The following TNKS variants were observed in gnomAD, a reference collection of about 807,000 sequenced individuals.
TNKS encodes the protein poly [ADP-ribose] polymerase tankyrase-1.
Under a neutral mutation model 135.8 loss-of-function variants are expected in TNKS, and 72 were observed. The ratio of observed to expected loss-of-function variants is 0.53; its 90% CI spans 0.44 to 0.64. TNKS has a LOEUF of 0.64. Ranked by LOEUF, TNKS falls within the 30% of genes least tolerant of loss-of-function variation. The pLI is 0.00. For missense variants in TNKS, 1,769 were observed against 1,674.0 expected (o/e 1.06, Z -0.99); for synonymous variants, 849 against 649.3 (o/e 1.31, Z -4.68).
chr8:9,568,439 T>C (rs916172072), intron 1 of TNKS, among the ~76,000 whole-genome samples: 1 of 152,226 alleles, frequency 6.6e-6, no homozygotes, highest in Non-Finnish European at 1.5e-5. Context: ...GAAATAATTT[T>C]TGTTTATGTG....
chr8:9,711,443 C>A (rs1443655028), intron 11 of TNKS, among the ~76,000 whole-genome samples: 3 of 152,084 alleles, frequency 2.0e-5, no homozygotes, highest in Admixed American at 6.6e-5. Flanking sequence ...GGATATTATC[C>A]TAAATGGTAG....
chr8:9,565,559 G>C (rs997359349), intron 1 of TNKS, among the ~76,000 whole-genome samples: 2 of 152,084 alleles, frequency 1.3e-5, no homozygotes, highest in African/African-American at 2.4e-5. Context: ...TGTGTCATTA[G>C]TTCAAAAATA....
chr8:9,770,224 C>T lies in TNKS; in HGVS notation c.3859C>T (p.Leu1287=). ...CATTGGTAGACCGAGCGTCAATGGGCTGGCATATGCTGAATATGTCATCTA... is the reference window on the plus strand; with the variant it reads ...CATTGGTAGACCGAGCGTCAATGGGTTGGCATATGCTGAATATGTCATCTA... ...SVIGRPSVNG[L]AYAEYVIYRG... Residue 1287 remains leucine, a synonymous_variant, in exon 26 of 27, where the codon CTG becomes TTG. Transcript: ENST00000310430. 6.2e-7 allele frequency: 1 copy of T among 1,613,408 alleles called. No individual in the cohort carries two copies. The highest frequency in any genetic ancestry group is 8.5e-7 in the Non-Finnish European group (1 of 1,179,932).
chr8:9,725,116 G>C (rs565865512), intron 12 of TNKS, among the ~76,000 whole-genome samples: 60 of 152,058 alleles, frequency 3.9e-4, no homozygotes, highest in Non-Finnish European at 7.9e-4. Context: ...CTATAAATGC[G>C]GTAGTGTATG....
chr8:9,570,137 C>T (rs78904285), intron 1 of TNKS, among the ~76,000 whole-genome samples: 1,840 of 151,268 alleles, frequency 0.012, 36 homozygotes, highest in African/African-American at 0.041. Flanking sequence ...GTTTTTTGAA[C>T]CATTTATTGA....
rs1475000323 is a variant in TNKS, at chr8:9,657,293, G to C, written c.995-22658G>C. 9.7e-4 allele frequency among the ~76,000 whole-genome samples: 58 copies of C among 60,058 alleles called. 1 individual carries two copies. The highest frequency in any genetic ancestry group is 3.2e-3 in the African/African-American group (53 of 16,684). 39.4% of individuals were successfully genotyped at this position (60,058 alleles called of 152,430 possible). A position where few individuals can be genotyped will look rare whatever the true frequency, so the allele number is the denominator to read the frequency against. ...TCCCGGACGGGGCGGCTGGCCGGGCGGGGGGCCGACCCCCCCACCTCCCTC... is the reference window on the plus strand; with the variant it reads ...TCCCGGACGGGGCGGCTGGCCGGGCCGGGGGCCGACCCCCCCACCTCCCTC... On this transcript the variant is annotated intron_variant, in intron 3 of 26. Transcript: ENST00000310430.
intron 5 of TNKS, among the ~76,000 whole-genome samples, chr8:9,688,716 T>C (rs1179736668): frequency 6.6e-6 from 1 of 152,180 alleles, no homozygotes; most frequent in Non-Finnish European, 1.5e-5. Context: ...CTCAGCTCAC[T>C]GCAAGCTCCG....
intron 13 of TNKS, 105 bp downstream of exon 13, chr8:9,726,825 A>G: frequency 1.1e-6 from 1 of 920,184 alleles, no homozygotes; most frequent in South Asian, 1.6e-5. Context: ...AGTAAAAAGG[A>G]TGAACAGAGT....
chr8:9,615,536 C>T, intron 2 of TNKS, 46 bp from the exon 3 acceptor site: 1 of 1,500,688 alleles, frequency 6.7e-7, no homozygotes, highest in Non-Finnish European at 9.2e-7. Flanking sequence ...AGTAAATAAT[C>T]TCTGTATCCC....
Position 9,735,487 on chromosome 8 carries a change from G to C in TNKS, c.2643+1G>C. The C allele has an allele frequency of 3.1e-6, 5 of 1,610,994 alleles. No individual in the cohort carries two copies. The highest frequency in any genetic ancestry group is 4.2e-6 in the Non-Finnish European group (5 of 1,177,234). On this transcript the variant is annotated splice_donor_variant, in intron 17 of 26. Coordinates refer to ENST00000310430, the MANE Select transcript of TNKS (RefSeq NM_003747.3). LOFTEE classifies it high-confidence loss of function. ...TCTTCATAATGCGGCATCTTATGGGGTAAGCATACTAACATTAAAATCTAG... is the reference window on the plus strand; with the variant it reads ...TCTTCATAATGCGGCATCTTATGGGCTAAGCATACTAACATTAAAATCTAG...
chr8:9,575,299 A>T (rs1366672360), intron 1 of TNKS: 2 of 692,396 alleles, frequency 2.9e-6, no homozygotes, highest in Non-Finnish European at 3.6e-6. Context: ...GTTAGCTAGG[A>T]TGGTCTCGAT....
chr8:9,583,264 A>T (rs1392580721), intron 2 of TNKS, among the ~76,000 whole-genome samples: 1 of 151,972 alleles, frequency 6.6e-6, no homozygotes, highest in Non-Finnish European at 1.5e-5. Flanking sequence ...TCAAACTGAG[A>T]TTATTTTAAA....
In TNKS at chr8:9,659,834, C is replaced by T. The variant is rs550447441; in HGVS notation, c.995-20117C>T. ...GGAAAGATCAACAAAATTGATAAAC[C>T]GCTAGCGAGACTAATAAAGAAGAAA... is the stretch of plus-strand genomic sequence containing the variant. On this transcript the variant is annotated intron_variant, in intron 3 of 26. Transcript: ENST00000310430. 1.9e-3 allele frequency among the ~76,000 whole-genome samples: 294 copies of T among 152,096 alleles called. 2 individuals carry two copies. The highest frequency in any genetic ancestry group is 3.4e-3 in the Middle Eastern group (1 of 294).
chr8:9,678,280 G>T (rs951056216), intron 3 of TNKS, among the ~76,000 whole-genome samples: 1 of 152,136 alleles, frequency 6.6e-6, no homozygotes, highest in African/African-American at 2.4e-5. Context: ...TTCCTCACAA[G>T]GAGCTTTTAA....
chr8:9,626,814 T>A (rs1021184433), intron 3 of TNKS, among the ~76,000 whole-genome samples: 1 of 152,230 alleles, frequency 6.6e-6, no homozygotes, highest in Non-Finnish European at 1.5e-5. Context: ...TGCTATAGTA[T>A]TTATTAATCG....
intron 5 of TNKS, among the ~76,000 whole-genome samples, chr8:9,702,170 T>C (rs575406842): frequency 2.0e-5 from 3 of 152,260 alleles, no homozygotes; most frequent in African/African-American, 7.2e-5. Context: ...TGGGAATAAT[T>C]CCCTAGTGAG....
rs1800746644 is a variant in TNKS at position 9,641,974 on chromosome 8, T to C, written c.994+26297T>C. Among the ~76,000 whole-genome samples the C allele has an allele frequency of 1.4e-5, 2 of 146,468 alleles. 1 individual carries two copies. Among genetic ancestry groups the C allele is most frequent in the Non-Finnish European group, 3.0e-5 (2 of 66,742 alleles). ...AAGCCTTGTCTTCCAAGGCAAATCA[T>C]TGGACACCTCGAATTTCAATTTTTT... On this transcript the variant is annotated intron_variant, in intron 3 of 26. Transcript: ENST00000310430.
chr8:9,661,214 A>G (rs1021970807), intron 3 of TNKS, among the ~76,000 whole-genome samples: 7 of 152,078 alleles, frequency 4.6e-5, no homozygotes, highest in Non-Finnish European at 1.0e-4. Context: ...GACTTTCTTC[A>G]CAGAATTGGA....
intron 3 of TNKS, among the ~76,000 whole-genome samples, chr8:9,656,611 C>CTTTTTTTTTTTT (rs71201960): frequency 1.7e-3 from 236 of 136,372 alleles, no homozygotes; most frequent in African/African-American, 6.5e-3. Context: ...AAAGAATTTT[C>CTTTTTTTTTTTT]TTTTTTTTTT....
Sources: gnomAD v4.1 joint callset for allele counts (sites outside exome capture counted in the v4.1 genomes callset) on GRCh38, gnomAD v4.1.1 for gene constraint, MANE v1.5 for transcripts, NCBI Gene and HGNC (gene_info 2026-07-23, HGNC 2026-07-21) for gene names.